The following FUT8 variants were observed in gnomAD, a reference collection of about 807,000 sequenced individuals.
FUT8 encodes the protein fucosyltransferase 8, also known as alpha-(1,6)-fucosyltransferase.
Under a neutral mutation model 71.3 loss-of-function variants are expected in FUT8, and 29 were observed. The observed-to-expected ratio is 0.41, with a 90% CI of 0.30 to 0.55. The LOEUF (loss-of-function observed/expected upper bound fraction) is 0.55. Ranked by LOEUF, FUT8 falls within the 20% of genes least tolerant of loss-of-function variation. The probability of loss-of-function intolerance (pLI) is 0.34; values close to 1 mark genes in which losing one functional copy is unlikely to be tolerated. For synonymous variants in FUT8, 254 were observed against 239.3 expected, an observed-to-expected ratio of 1.06 and a Z score of -0.57; for missense variants, 544 against 702.1, an observed-to-expected ratio of 0.77 and a Z score of 2.55.
At chr14:65,613,623 T>G (rs1456151381) in intron 3 of FUT8, among the ~76,000 whole-genome samples, 1 of 152,236 alleles carries the variant, frequency 6.6e-6, no homozygotes, top group Non-Finnish European at 1.5e-5. Context: ...ATGCTCCTGT[T>G]CAATGTTAAT....
In FUT8 at chr14:65,531,534, G is replaced by A. The variant is rs143032366; in HGVS notation, c.-227-29803G>A. Among the ~76,000 whole-genome samples, 29 of 152,252 alleles carry A rather than the reference G, an allele frequency of 1.9e-4. No homozygotes were observed. In the East Asian group the frequency reaches 5.4e-3, roughly 28 times the overall value. On this transcript the variant is annotated intron_variant, in intron 2 of 10. Coordinates refer to ENST00000673929, the MANE Select transcript of FUT8 (RefSeq NM_001371533.1). ...GATACCTCTGAAGAGATGAGGGTCA[G>A]GGTTGTAATTTTAGGTGAGAAAACT...
chr14:65,517,123 G>T (rs1882765366), intron 2 of FUT8, among the ~76,000 whole-genome samples: 1 of 151,636 alleles, frequency 6.6e-6, no homozygotes, highest in South Asian at 2.1e-4. Context: ...TCTATCAGTG[G>T]ACATTTACAT....
intron 2 of FUT8, among the ~76,000 whole-genome samples, chr14:65,520,556 C>A (rs1386614012): frequency 6.6e-6 from 1 of 151,810 alleles, no homozygotes; most frequent in Non-Finnish European, 1.5e-5. Context: ...TCAAAATGTT[C>A]CATTCTATAC....
chr14:65,519,423 A>G (rs994596091), intron 2 of FUT8, among the ~76,000 whole-genome samples: 3 of 152,218 alleles, frequency 2.0e-5, no homozygotes, highest in African/African-American at 4.8e-5. Context: ...AAGGTTATTT[A>G]TATTTCTATA....
At chr14:65,380,975 A>G in the FUT8 span, among the ~76,000 whole-genome samples, 1 of 152,390 alleles carries the variant, frequency 6.6e-6, no homozygotes, top group East Asian at 1.9e-4. Context: ...GCTCAACCTC[A>G]GCTGCCATCC....
At position 65,578,092 on chromosome 14, in the gene FUT8, C is replaced by T. The variant is rs538956087; in HGVS notation, c.203+16326C>T. Reference sequence around the variant, plus strand: ...ACTTTGTATTTGAATTTTTTTCTCCCGTATATAAATGCTACATAGGCAAAG... The same window carrying T: ...ACTTTGTATTTGAATTTTTTTCTCCTGTATATAAATGCTACATAGGCAAAG... On this transcript the variant is annotated intron_variant, in intron 3 of 10. Coordinates refer to ENST00000673929, the MANE Select transcript of FUT8 (RefSeq NM_001371533.1). Among the ~76,000 whole-genome samples the T allele has an allele frequency of 1.2e-4, 18 of 151,858 alleles. No individual in the cohort carries two copies. In the South Asian group the frequency reaches 3.3e-3, roughly 28 times the overall value.
chr14:65,433,786 T>TTCTCTCTCTCTCTCTCTCTCTC lies in FUT8; in HGVS notation c.-326+20583_-326+20604dup, dbSNP rs71126744. Among the ~76,000 whole-genome samples, 382 of 144,944 alleles carry TTCTCTCTCTCTCTCTCTCTCTC rather than the reference T, an allele frequency of 2.6e-3. 9 individuals carry two copies. The highest frequency in any genetic ancestry group is 0.011 in the South Asian group (46 of 4,158). Reference sequence around the variant, plus strand: ...TTTATTTCTACCTCTCTTCTGTCTCTTCTCTCTCTCTCTCTCTCTCTCTCT... The same window carrying TTCTCTCTCTCTCTCTCTCTCTC: ...TTTATTTCTACCTCTCTTCTGTCTCTTCTCTCTCTCTCTCTCTCTCTCTCTCTCTCTCTCTCTCTCTCTCTCT... On this transcript the variant is annotated intron_variant, in intron 1 of 10. Coordinates refer to ENST00000673929, the MANE Select transcript of FUT8 (RefSeq NM_001371533.1).
Position 65,744,023 on chromosome 14 carries a change from C to G in FUT8, c.*1613C>G, listed in dbSNP as rs1896622034. 6.6e-6 allele frequency: 1 copy of G among 151,856 alleles called. No homozygotes were observed. Among genetic ancestry groups the G allele is most frequent in the African/African-American group, 2.4e-5 (1 of 41,384 alleles). 9.4% of individuals were successfully genotyped at this position (151,856 alleles called of 1,614,324 possible). On this transcript the variant is annotated 3_prime_UTR_variant, in exon 11 of 11. Coordinates refer to ENST00000673929, the MANE Select transcript of FUT8 (RefSeq NM_001371533.1). Reference sequence around the variant, plus strand: ...CCAAACTTAACTAAATTCTTTTTCTCAAGTCAAGCCTCCCAAAGAAAAAAG... The same window carrying G: ...CCAAACTTAACTAAATTCTTTTTCTGAAGTCAAGCCTCCCAAAGAAAAAAG...
intron 2 of FUT8, among the ~76,000 whole-genome samples, chr14:65,537,560 T>C (rs977910129): frequency 6.6e-6 from 1 of 152,062 alleles, no homozygotes; most frequent in East Asian, 1.9e-4. Context: ...GCTAATTTTT[T>C]GTATTTTTAG....
At chr14:65,621,010 G>C (rs1566857751) in intron 5 of FUT8, among the ~76,000 whole-genome samples, 1 of 152,112 alleles carries the variant, frequency 6.6e-6, no homozygotes, top group Non-Finnish European at 1.5e-5. Context: ...GTTTGCATTA[G>C]AAGAAGAATC....
chr14:65,584,158 G>T (rs2140121490), intron 3 of FUT8, among the ~76,000 whole-genome samples: 1 of 150,614 alleles, frequency 6.6e-6, no homozygotes, highest in South Asian at 2.1e-4. Context: ...GAGATTACAG[G>T]TGGGAGCCAC....
At chr14:65,492,604 A>T (rs2066498568) in intron 2 of FUT8, among the ~76,000 whole-genome samples, 1 of 152,066 alleles carries the variant, frequency 6.6e-6, no homozygotes, top group Non-Finnish European at 1.5e-5. Context: ...TGATTTGCAG[A>T]TTGTTCATTG....
intron 7 of FUT8, among the ~76,000 whole-genome samples, chr14:65,677,155 C>CGT: frequency 3.3e-5 from 1 of 30,100 alleles, no homozygotes; most frequent in Admixed American, 4.0e-4. Context: ...TGTGTGTGCG[C>CGT]GCGCGCATGC....
At chr14:65,539,276 G>T (rs1884534690) in intron 2 of FUT8, among the ~76,000 whole-genome samples, 1 of 152,238 alleles carries the variant, frequency 6.6e-6, no homozygotes, top group African/African-American at 2.4e-5. Context: ...TGTTACTTTG[G>T]TAGTGTGTTC....
At chr14:65,707,195 T>C (rs559839527) in intron 7 of FUT8, among the ~76,000 whole-genome samples, 43 of 152,338 alleles carry the variant, frequency 2.8e-4, no homozygotes, top group Admixed American at 2.4e-3. Context: ...TGGTAATAGC[T>C]ATTCTAACAG....
At chr14:65,693,375 C>T (rs1475580223) in intron 7 of FUT8, among the ~76,000 whole-genome samples, 5 of 152,306 alleles carry the variant, frequency 3.3e-5, no homozygotes, top group South Asian at 2.1e-4. Flanking sequence ...GGCGTGGCGG[C>T]GCGCGCCTGC....
intron 2 of FUT8, among the ~76,000 whole-genome samples, chr14:65,495,612 AAAC>A (rs1400452490): frequency 3.3e-5 from 5 of 152,218 alleles, no homozygotes; most frequent in African/African-American, 1.2e-4. Flanking sequence ...TTAAAAAACT[AAAC>A]AACAGCAATA....
chr14:65,368,494 C>T, the FUT8 span, among the ~76,000 whole-genome samples: 4 of 133,492 alleles, frequency 3.0e-5, 1 homozygote, highest in Admixed American at 2.3e-4. Flanking sequence ...GCGCCTGCCA[C>T]CACGCCTGGC....
At position 65,607,108 on chromosome 14, in the gene FUT8, A is replaced by T. The variant is rs960110506; in HGVS notation, c.204-8870A>T. Among the ~76,000 whole-genome samples the T allele has an allele frequency of 6.6e-6, 1 of 151,838 alleles. No individual in the cohort carries two copies. Among genetic ancestry groups the T allele is most frequent in the Non-Finnish European group, 1.5e-5 (1 of 67,886 alleles). Reference sequence around the variant, plus strand: ...TGAACTTTATTAGTACGATTTGTAGATTATCTTGGATTTTCTGTATTAAAG... The same window carrying T: ...TGAACTTTATTAGTACGATTTGTAGTTTATCTTGGATTTTCTGTATTAAAG... On this transcript the variant is annotated intron_variant, in intron 3 of 10. Coordinates refer to ENST00000673929, the MANE Select transcript of FUT8 (RefSeq NM_001371533.1). The surrounding 1 kb of genome is among the most constrained non-coding windows in gnomAD (Gnocchi z 4.1).
Sources: allele counts gnomAD v4.1 joint callset (sites outside exome capture counted in the v4.1 genomes callset), GRCh38; gene constraint gnomAD v4.1.1; non-coding constraint Gnocchi (gnomAD v3.1); transcripts MANE v1.5; gene names NCBI Gene and HGNC (gene_info 2026-07-23, HGNC 2026-07-21).